The following FAM13A variants were observed in gnomAD, a reference collection of about 807,000 sequenced individuals.
The protein encoded by FAM13A is protein FAM13A.
In FAM13A, 76 loss-of-function variants were observed where a neutral mutation model predicts 129.6. That is an observed-to-expected ratio of 0.59 (90% CI 0.49 to 0.71). FAM13A has a LOEUF of 0.71. Among genes scored for constraint, FAM13A ranks in the 30% least tolerant of loss-of-function variants. The probability of loss-of-function intolerance (pLI) is 0.00; values close to 1 mark genes in which losing one functional copy is unlikely to be tolerated. For missense variants in FAM13A, 1,108 were observed against 1,249.3 expected, an observed-to-expected ratio of 0.89 and a Z score of 1.70; for synonymous variants, 443 against 449.9, an observed-to-expected ratio of 0.98 and a Z score of 0.20.
intron 7 of FAM13A, among the ~76,000 whole-genome samples, chr4:88,824,615 A>G (rs1732644634): frequency 6.6e-6 from 1 of 152,210 alleles, no homozygotes; most frequent in Admixed American, 6.5e-5. Flanking sequence ...TACAAATTCT[A>G]ATTTGATTTT....
intron 7 of FAM13A, among the ~76,000 whole-genome samples, chr4:88,838,225 A>G (rs1735165731): frequency 6.6e-6 from 1 of 152,218 alleles, no homozygotes; most frequent in South Asian, 2.1e-4. Context: ...ACAATATACC[A>G]AAAGGGCTTG....
At chr4:88,764,338 A>G (rs1321081341) in intron 13 of FAM13A, among the ~76,000 whole-genome samples, 2 of 152,206 alleles carry the variant, frequency 1.3e-5, no homozygotes, top group African/African-American at 4.8e-5. Context: ...ATTCTGACAT[A>G]AAATGATCTC....
chr4:88,854,006 G>A (rs1398881131), intron 6 of FAM13A, among the ~76,000 whole-genome samples: 16 of 152,054 alleles, frequency 1.1e-4, no homozygotes, highest in South Asian at 2.1e-4. Context: ...CTCCACTATC[G>A]GCTTCCCTAC....
chr4:88,873,261 C>G (rs569317170), intron 6 of FAM13A, among the ~76,000 whole-genome samples: 6 of 152,180 alleles, frequency 3.9e-5, no homozygotes, highest in African/African-American at 1.4e-4. Flanking sequence ...CATTCAAAAG[C>G]TAGCAGAAGG....
At position 88,862,387 on chromosome 4, in the gene FAM13A, G is replaced by A. The variant is rs114395268; in HGVS notation, c.844-11204C>T. On this transcript the variant is annotated intron_variant, in intron 6 of 23. Coordinates refer to ENST00000264344, the MANE Select transcript of FAM13A (RefSeq NM_014883.4). ...ATAAAATAAGAAATCTGAAATGAGT[G>A]GGCATGGAAGGAAATAAAGAGATGG... 2.8e-3 allele frequency among the ~76,000 whole-genome samples: 433 copies of A among 152,246 alleles called. 2 individuals carry two copies. Among genetic ancestry groups the A allele is most frequent in the African/African-American group, 0.01 (424 of 41,544 alleles).
At chr4:88,837,313 T>C (rs1734983555) in intron 7 of FAM13A, among the ~76,000 whole-genome samples, 1 of 152,062 alleles carries the variant, frequency 6.6e-6, no homozygotes, top group African/African-American at 2.4e-5. Context: ...TATTTTTAAA[T>C]AGTGATAAAT....
At chr4:88,861,410 C>G (rs62308744) in intron 6 of FAM13A, among the ~76,000 whole-genome samples, 3 of 146,184 alleles carry the variant, frequency 2.1e-5, no homozygotes, top group African/African-American at 7.6e-5. Context: ...CTAAACTAAA[C>G]GAAATAATCC....
rs144310962 is a variant in FAM13A at position 88,748,928 on chromosome 4, C to T, written c.2161+24G>A. ...CTGCACCTGGCTTGTTGTACAGAAG[C>T]CACAGCTCCAGAATTTTACCCACCT... On this transcript the variant is annotated intron_variant, in intron 17 of 23. Transcript: ENST00000264344. The T allele has an allele frequency of 3.1e-4, 480 of 1,563,056 alleles. 4 individuals carry two copies. In the East Asian group the frequency reaches 0.011, roughly 34 times the overall value.
At chr4:88,996,415 G>A (rs1271713740) in intron 3 of FAM13A, among the ~76,000 whole-genome samples, 1 of 152,206 alleles carries the variant, frequency 6.6e-6, no homozygotes, top group African/African-American at 2.4e-5. Flanking sequence ...ATGCTGACGG[G>A]ATGGTTAGAC....
intron 8 of FAM13A, among the ~76,000 whole-genome samples, chr4:88,792,189 A>G (rs1725321443): frequency 6.6e-6 from 1 of 152,098 alleles, no homozygotes; most frequent in African/African-American, 2.4e-5. Context: ...TATTTACAAT[A>G]ACCCTATGAA....
chr4:89,008,728 ATAAAAACAC>A (rs1765375913), intron 3 of FAM13A, among the ~76,000 whole-genome samples: 1 of 152,182 alleles, frequency 6.6e-6, no homozygotes, highest in Non-Finnish European at 1.5e-5. Flanking sequence ...TGTAATGGAG[ATAAAAACAC>A]AAACACAAGT....
chr4:88,825,230 G>T (rs1042131985), intron 7 of FAM13A, among the ~76,000 whole-genome samples: 28 of 146,624 alleles, frequency 1.9e-4, no homozygotes, highest in African/African-American at 6.6e-4. Flanking sequence ...TTTTTTTTGG[G>T]GGGGGGATGG....
chr4:89,027,006 A>G (rs561197642), intron 2 of FAM13A, among the ~76,000 whole-genome samples: 2 of 152,300 alleles, frequency 1.3e-5, no homozygotes, highest in East Asian at 3.9e-4. Flanking sequence ...GTAATCCTGG[A>G]AAGATATGGC....
At chr4:88,801,618 T>C (rs996794315) in intron 8 of FAM13A, among the ~76,000 whole-genome samples, 1 of 152,116 alleles carries the variant, frequency 6.6e-6, no homozygotes, top group African/African-American at 2.4e-5. Flanking sequence ...GCCAGGTGAG[T>C]TATTTAGAGC....
At chr4:89,018,589 T>C (rs1766840118) in intron 3 of FAM13A, among the ~76,000 whole-genome samples, 1 of 152,218 alleles carries the variant, frequency 6.6e-6, no homozygotes, top group Non-Finnish European at 1.5e-5. Flanking sequence ...CTTATTAAGG[T>C]GAGACCAAAC....
At chr4:88,749,350 G>T (rs1742056159) in intron 16 of FAM13A, among the ~76,000 whole-genome samples, 2 of 152,118 alleles carry the variant, frequency 1.3e-5, no homozygotes, top group South Asian at 4.1e-4. Flanking sequence ...GAAAACAGAG[G>T]GGTATATGAT....
At chr4:89,025,498 T>G (rs1183938238) in intron 2 of FAM13A, among the ~76,000 whole-genome samples, 1 of 151,306 alleles carries the variant, frequency 6.6e-6, no homozygotes, top group Non-Finnish European at 1.5e-5. Flanking sequence ...TCTCCTGACC[T>G]CATGATCCAC....
At chr4:88,730,617 C>A (rs1737501470) in intron 23 of FAM13A, among the ~76,000 whole-genome samples, 1 of 152,116 alleles carries the variant, frequency 6.6e-6, no homozygotes, top group African/African-American at 2.4e-5. Flanking sequence ...GTCTTGAACT[C>A]CTTACCTCAT....
At chr4:88,926,050 G>C (rs375729225) in intron 5 of FAM13A, among the ~76,000 whole-genome samples, 25 of 152,262 alleles carry the variant, frequency 1.6e-4, no homozygotes, top group African/African-American at 6.0e-4. Context: ...ATAAGAGAGG[G>C]AGGAAGGGAG....
Sources: allele counts gnomAD v4.1 joint callset (sites outside exome capture counted in the v4.1 genomes callset), GRCh38; gene constraint gnomAD v4.1.1; transcripts MANE v1.5; gene names NCBI Gene and HGNC (gene_info 2026-07-23, HGNC 2026-07-21).